The following C1orf21 variants were observed in gnomAD, a reference collection of about 807,000 sequenced individuals.
The protein encoded by C1orf21 is uncharacterized protein C1orf21.
Under a neutral mutation model 18.7 loss-of-function variants are expected in C1orf21, and 3 were observed. The ratio of observed to expected loss-of-function variants is 0.16; its 90% CI spans 0.07 to 0.42. The LOEUF is 0.42. Ranked by LOEUF, C1orf21 falls within the 10% of genes least tolerant of loss-of-function variation. C1orf21 has a pLI of 0.99. For synonymous variants in C1orf21, 41 were observed against 46.4 expected, an observed-to-expected ratio of 0.88 and a Z score of 0.47; for missense variants, 104 against 143.6, an observed-to-expected ratio of 0.72 and a Z score of 1.41.
At chr1:184,486,519 G>A (rs1325187623) in intron 2 of C1orf21, among the ~76,000 whole-genome samples, 1 of 152,064 alleles carries the variant, frequency 6.6e-6, no homozygotes, top group Non-Finnish European at 1.5e-5. Context: ...ATAGTAGATG[G>A]GCCTGAGTAG....
intron 2 of C1orf21, 130 bp downstream of exon 2, chr1:184,477,733 G>A (rs1038973752): frequency 2.5e-5 from 17 of 689,376 alleles, no homozygotes; most frequent in African/African-American, 1.3e-4. Context: ...AATGTGTAAC[G>A]ATCAAGTCGG....
chr1:184,610,524 C>G (rs577713006), intron 5 of C1orf21, among the ~76,000 whole-genome samples: 1 of 152,248 alleles, frequency 6.6e-6, no homozygotes, highest in South Asian at 2.1e-4. Context: ...CAAGTGCCAG[C>G]CTCAGATAAA....
chr1:184,407,304 T>C (rs549686630), intron 1 of C1orf21, among the ~76,000 whole-genome samples: 1 of 152,278 alleles, frequency 6.6e-6, no homozygotes, highest in Non-Finnish European at 1.5e-5. Flanking sequence ...TTCTGTGGAA[T>C]TGAGTCTTTA....
chr1:184,494,164 AC>A (rs1657856544), intron 2 of C1orf21, among the ~76,000 whole-genome samples: 1 of 152,208 alleles, frequency 6.6e-6, no homozygotes, highest in South Asian at 2.1e-4. Context: ...TGAGGAACTG[AC>A]CTTTGAGCAA....
At chr1:184,404,823 C>G (rs554782954) in intron 1 of C1orf21, among the ~76,000 whole-genome samples, 1 of 152,154 alleles carries the variant, frequency 6.6e-6, no homozygotes. Context: ...CTCTCTACCC[C>G]CTCGTGATGC....
At chr1:184,441,927 G>A (rs1274216024) in intron 1 of C1orf21, among the ~76,000 whole-genome samples, 1 of 152,110 alleles carries the variant, frequency 6.6e-6, no homozygotes, top group Non-Finnish European at 1.5e-5. Flanking sequence ...AAAATTATGA[G>A]CAATATTAGT....
At chr1:184,545,956 G>T (rs546967616) in intron 3 of C1orf21, 2 of 152,116 alleles carry the variant, frequency 1.3e-5, no homozygotes, top group African/African-American at 4.8e-5. Flanking sequence ...ATTCTCCTTC[G>T]ATTATGAAGT....
At chr1:184,464,761 G>C (rs1355701090) in intron 1 of C1orf21, among the ~76,000 whole-genome samples, 1 of 152,228 alleles carries the variant, frequency 6.6e-6, no homozygotes, top group Non-Finnish European at 1.5e-5. Context: ...ACTATGAGCA[G>C]AATATTGAGG....
intron 1 of C1orf21, among the ~76,000 whole-genome samples, chr1:184,435,429 C>T (rs1197503256): frequency 6.6e-6 from 1 of 152,144 alleles, no homozygotes; most frequent in South Asian, 2.1e-4. Context: ...CTGCAACCTC[C>T]GCCTCCCAAG....
intron 1 of C1orf21, among the ~76,000 whole-genome samples, chr1:184,426,997 T>G (rs1249738814): frequency 1.3e-5 from 2 of 152,150 alleles, no homozygotes; most frequent in African/African-American, 4.8e-5. Context: ...GCACAGCCAA[T>G]GGAGAGGATC....
chr1:184,411,196 A>G (rs1018779089), intron 1 of C1orf21, among the ~76,000 whole-genome samples: 5 of 152,114 alleles, frequency 3.3e-5, no homozygotes, highest in Admixed American at 2.0e-4. Flanking sequence ...TGAAAAACCT[A>G]CTGGCTTCTC....
chr1:184,611,422 A>C (rs2102008724), intron 5 of C1orf21, among the ~76,000 whole-genome samples: 1 of 152,306 alleles, frequency 6.6e-6, no homozygotes, highest in East Asian at 1.9e-4. Flanking sequence ...GCGGTGGTTT[A>C]AGCCCAGCAG....
intron 3 of C1orf21, among the ~76,000 whole-genome samples, chr1:184,536,944 C>A (rs559505451): frequency 6.6e-6 from 1 of 151,932 alleles, no homozygotes; most frequent in East Asian, 1.9e-4. Context: ...CTTTTTGCAA[C>A]TTTCTCATCC....
At chr1:184,495,635 T>G (rs147699790) in intron 2 of C1orf21, among the ~76,000 whole-genome samples, 19 of 152,102 alleles carry the variant, frequency 1.2e-4, no homozygotes, top group Admixed American at 1.2e-3. Flanking sequence ...TTACAAGATA[T>G]GGTGGGCCAG....
chr1:184,589,732 TAAC>T lies in C1orf21; in HGVS notation c.190-1004_190-1002del, dbSNP rs1236918748. On this transcript the variant is annotated intron_variant, in intron 3 of 5. Coordinates refer to ENST00000235307, the MANE Select transcript of C1orf21 (RefSeq NM_030806.4). Reference sequence around the variant, plus strand: ...ACATAAGCTCATGTTTGATAGTTAATAACAAACAACTAGAATATGTAAGTCATT... The same window carrying T: ...ACATAAGCTCATGTTTGATAGTTAATAAACAACTAGAATATGTAAGTCATT... Among the ~76,000 whole-genome samples, 6 of 152,336 alleles carry T rather than the reference TAAC, an allele frequency of 3.9e-5. 2 individuals carry two copies. Among genetic ancestry groups the T allele is most frequent in the African/African-American group, 1.4e-4 (6 of 41,576 alleles).
intron 5 of C1orf21, among the ~76,000 whole-genome samples, chr1:184,612,644 G>A (rs1433474680): frequency 2.0e-5 from 3 of 152,110 alleles, no homozygotes; most frequent in African/African-American, 7.2e-5. Context: ...TTGTGCCACT[G>A]CACTCCAGCC....
rs1655907996 is a variant in C1orf21 at position 184,387,628 on chromosome 1, G to T, written c.-125+260G>T. Among the ~76,000 whole-genome samples, 1 of 152,082 alleles carries T rather than the reference G, an allele frequency of 6.6e-6. No homozygotes were observed. Among genetic ancestry groups the T allele is most frequent in the Non-Finnish European group, 1.5e-5 (1 of 67,990 alleles). On this transcript the variant is annotated intron_variant, in intron 1 of 5. Coordinates refer to ENST00000235307, the MANE Select transcript of C1orf21 (RefSeq NM_030806.4). The surrounding 1 kb of genome is among the most constrained non-coding windows in gnomAD (Gnocchi z 5.6). Reference sequence around the variant, plus strand: ...CCGCGAGGGGCGTCTGCCGGCCTGGGCGGAGGGGCTGGGATGTGGTCGGGG... The same window carrying T: ...CCGCGAGGGGCGTCTGCCGGCCTGGTCGGAGGGGCTGGGATGTGGTCGGGG...
Position 184,621,740 on chromosome 1 carries a change from A to G in C1orf21, c.*2184A>G, listed in dbSNP as rs1054129202. The G allele has an allele frequency of 3.3e-5, 5 of 152,218 alleles. No individual in the cohort carries two copies. The highest frequency in any genetic ancestry group is 3.3e-4 in the Admixed American group (5 of 15,282). The allele number at this position is 152,218 out of a possible 1,614,324, so 9.4% of individuals were successfully genotyped here. A position where few individuals can be genotyped will look rare whatever the true frequency, so the allele number is the denominator to read the frequency against. ...CAGTTTTGACATGTTATACTTGCGC[A>G]TAGATCCAAGCGTTTCTTGGGAACC... is the stretch of plus-strand genomic sequence containing the variant. On this transcript the variant is annotated 3_prime_UTR_variant, in exon 6 of 6. Transcript: ENST00000235307.
At chr1:184,518,595 A>G (rs1292574976) in intron 3 of C1orf21, among the ~76,000 whole-genome samples, 1 of 152,178 alleles carries the variant, frequency 6.6e-6, no homozygotes, top group Non-Finnish European at 1.5e-5. Flanking sequence ...AAGCAACTAC[A>G]TGACTGCAAT....
Sources: gnomAD v4.1 joint callset for allele counts (sites outside exome capture counted in the v4.1 genomes callset) on GRCh38, gnomAD v4.1.1 for gene constraint, Gnocchi (gnomAD v3.1) non-coding constraint, MANE v1.5 for transcripts, NCBI Gene and HGNC (gene_info 2026-07-23, HGNC 2026-07-21) for gene names.